Variants in ITPR1 observed in about 807,000 individuals in gnomAD.
ITPR1 encodes inositol 1,4,5-trisphosphate receptor type 1, also known as inositol 1,4,5-trisphosphate-gated calcium channel ITPR1.
In ITPR1, 96 loss-of-function variants were observed where a neutral mutation model predicts 318.4. The observed-to-expected ratio is 0.30, with a 90% CI of 0.26 to 0.36. The LOEUF (loss-of-function observed/expected upper bound fraction) is 0.36. Ranked by LOEUF, ITPR1 falls within the 10% of genes least tolerant of loss-of-function variation. The pLI is 1.00. For synonymous variants in ITPR1, 1,312 were observed against 1,289.9 expected (o/e 1.02, Z -0.37); for missense variants, 2,440 against 3,460.2 (o/e 0.71, Z 7.40).
intron 60 of ITPR1, 76 bp downstream of exon 60, chr3:4,818,318 C>T (rs534506578): frequency 2.0e-5 from 23 of 1,171,726 alleles, no homozygotes; most frequent in South Asian, 1.1e-4. Flanking sequence ...AGCAGCCCAT[C>T]GGGGAGCTGC....
Position 4,825,951 on chromosome 3 carries a change from A to C in ITPR1, c.8028+7709A>C, listed in dbSNP as rs143248485. On this transcript the variant is annotated intron_variant, in intron 60 of 61. Coordinates refer to ENST00000649015, the MANE Select transcript of ITPR1 (RefSeq NM_001378452.1). Reference sequence around the variant, plus strand: ...GACCGGAGCCACGAAATGAGCCTGAAAATTCACACAGCCATCATGGGGCGT... The same window carrying C: ...GACCGGAGCCACGAAATGAGCCTGACAATTCACACAGCCATCATGGGGCGT... 4.1e-4 allele frequency: 148 copies of C among 364,846 alleles called. No homozygotes were observed. In the East Asian group the frequency reaches 0.01, roughly 25 times the overall value. 22.6% of individuals were successfully genotyped at this position (364,846 alleles called of 1,614,324 possible).
intron 42 of ITPR1, among the ~76,000 whole-genome samples, chr3:4,731,546 T>C (rs2042927274): frequency 6.6e-6 from 1 of 152,178 alleles, no homozygotes. Flanking sequence ...ATTTGGGATT[T>C]TTTTGTTTTC....
At chr3:4,499,830 T>C (rs553987591) in intron 2 of ITPR1, among the ~76,000 whole-genome samples, 3 of 152,246 alleles carry the variant, frequency 2.0e-5, no homozygotes, top group African/African-American at 7.2e-5. Context: ...TGAGAAGGGG[T>C]CTCACTATGT....
At chr3:4,571,463 C>T (rs1006656865) in intron 4 of ITPR1, among the ~76,000 whole-genome samples, 2 of 152,032 alleles carry the variant, frequency 1.3e-5, no homozygotes, top group Non-Finnish European at 2.9e-5. Context: ...GTCAGTCTCC[C>T]GAGTAGCTGG....
chr3:4,779,149 A>G lies in ITPR1; in HGVS notation c.6292-401A>G, dbSNP rs1030222136. 3.3e-5 allele frequency among the ~76,000 whole-genome samples: 5 copies of G among 152,232 alleles called. No individual in the cohort carries two copies. The highest frequency in any genetic ancestry group is 1.2e-4 in the African/African-American group (5 of 41,452). On this transcript the variant is annotated intron_variant, in intron 48 of 61. Transcript: ENST00000649015. This position sits in a 1 kb window ranked among gnomAD's most constrained non-coding sequence, Gnocchi z 4.0. Reference sequence around the variant, plus strand: ...CCTGCAAGGCCAAATAACAGTTTGTAACCACACCTGCCCGGAAGGCAGCAC... The same window carrying G: ...CCTGCAAGGCCAAATAACAGTTTGTGACCACACCTGCCCGGAAGGCAGCAC...
chr3:4,835,230 A>G (rs2050812882), intron 60 of ITPR1, among the ~76,000 whole-genome samples: 2 of 151,998 alleles, frequency 1.3e-5, no homozygotes, highest in Non-Finnish European at 2.9e-5. Context: ...ATATTGCTAG[A>G]TGGCCCTAGG....
chr3:4,526,145 A>C (rs1311945944), intron 4 of ITPR1, among the ~76,000 whole-genome samples: 1 of 152,216 alleles, frequency 6.6e-6, no homozygotes, highest in African/African-American at 2.4e-5. Context: ...TGTTGGACAG[A>C]TGTTACCATA....
At chr3:4,650,644 T>TGTGC (rs1337776997) in intron 10 of ITPR1, among the ~76,000 whole-genome samples, 692 of 26,500 alleles carry the variant, frequency 0.026, 5 homozygotes, top group Middle Eastern at 0.067. Flanking sequence ...TGTGTGTGTG[T>TGTGC]GCGCGCGTCT....
chr3:4,532,820 C>T (rs1475929015), intron 4 of ITPR1, among the ~76,000 whole-genome samples: 1 of 152,194 alleles, frequency 6.6e-6, no homozygotes, highest in African/African-American at 2.4e-5. Context: ...GATCAAAGTG[C>T]CCAGAGGTAG....
At chr3:4,532,572 C>T (rs7635739) in intron 4 of ITPR1, among the ~76,000 whole-genome samples, 35,972 of 151,900 alleles carry the variant, frequency 0.24, 4,911 homozygotes, top group African/African-American at 0.38. Context: ...GGTTTCGCCA[C>T]GTTGCCCAGG....
chr3:4,616,122 T>G (rs1057473575), intron 4 of ITPR1, among the ~76,000 whole-genome samples: 3 of 152,240 alleles, frequency 2.0e-5, no homozygotes, highest in Non-Finnish European at 4.4e-5. Context: ...TTTCCTCTTG[T>G]ACTGAACTGG....
chr3:4,789,624 T>TGTTTTC (rs1013227845), intron 52 of ITPR1, among the ~76,000 whole-genome samples: 3 of 152,082 alleles, frequency 2.0e-5, no homozygotes, highest in African/African-American at 7.2e-5. Flanking sequence ...TTTTTGTTTT[T>TGTTTTC]GTTTTTGTTT....
chr3:4,512,959 G>A (rs1205508316), intron 2 of ITPR1, among the ~76,000 whole-genome samples: 1 of 135,032 alleles, frequency 7.4e-6, no homozygotes, highest in Non-Finnish European at 1.6e-5. Flanking sequence ...GCAGAGCCGA[G>A]CCCTCGGTGT....
chr3:4,807,268 G>A (rs2048637985), intron 55 of ITPR1, among the ~76,000 whole-genome samples: 1 of 152,158 alleles, frequency 6.6e-6, no homozygotes, highest in Non-Finnish European at 1.5e-5. Flanking sequence ...ATCCAGCCAC[G>A]ATCTAGTTTG....
At chr3:4,552,703 A>T (rs189541556) in intron 4 of ITPR1, among the ~76,000 whole-genome samples, 1 of 152,270 alleles carries the variant, frequency 6.6e-6, no homozygotes, top group Admixed American at 6.5e-5. Flanking sequence ...GCCATTGGTG[A>T]TCAACTTAAC....
intron 4 of ITPR1, among the ~76,000 whole-genome samples, chr3:4,570,007 C>A (rs542865531): frequency 2.1e-4 from 32 of 152,162 alleles, no homozygotes; most frequent in African/African-American, 7.7e-4. Context: ...GTTAATGAGT[C>A]CCAACTGTAA....
intron 4 of ITPR1, among the ~76,000 whole-genome samples, 180 bp downstream of exon 4, chr3:4,521,274 A>G (rs1186381862): frequency 1.3e-5 from 2 of 152,196 alleles, no homozygotes; most frequent in Non-Finnish European, 2.9e-5. Context: ...ATTTAGTATC[A>G]AGATTGGGTT....
intron 4 of ITPR1, among the ~76,000 whole-genome samples, chr3:4,607,707 G>A (rs997589919): frequency 1.5e-4 from 23 of 152,010 alleles, no homozygotes; most frequent in Admixed American, 4.6e-4. Flanking sequence ...TACGGGTGTG[G>A]GTAATGGTCC....
At chr3:4,559,429 TAA>T (rs925468848) in intron 4 of ITPR1, among the ~76,000 whole-genome samples, 1 of 152,230 alleles carries the variant, frequency 6.6e-6, no homozygotes, top group African/African-American at 2.4e-5. Flanking sequence ...TTATATATTT[TAA>T]AAGTCTTATG....
Sources: allele counts gnomAD v4.1 joint callset (sites outside exome capture counted in the v4.1 genomes callset), GRCh38; gene constraint gnomAD v4.1.1; non-coding constraint Gnocchi (gnomAD v3.1); transcripts MANE v1.5; gene names NCBI Gene and HGNC (gene_info 2026-07-23, HGNC 2026-07-21).